ERG: variants seen among roughly 807,000 people sequenced by gnomAD.
ERG encodes the protein ETS transcription factor ERG, also known as transcriptional regulator ERG.
ERG carries 9 observed loss-of-function variants against 55.3 expected under a neutral mutation model. The observed-to-expected ratio is 0.16, with a 90% CI of 0.10 to 0.28. The LOEUF is 0.28. Among genes scored for constraint, ERG ranks in the 10% least tolerant of loss-of-function variants. The probability of loss-of-function intolerance (pLI) is 1.00; values close to 1 mark genes in which losing one functional copy is unlikely to be tolerated. For synonymous variants in ERG, 223 were observed against 237.3 expected (o/e 0.94, Z 0.55); for missense variants, 434 against 631.6 (o/e 0.69, Z 3.35).
intron 1 of ERG, among the ~76,000 whole-genome samples, chr21:38,448,733 G>C (rs564682583): frequency 6.6e-6 from 1 of 152,290 alleles, no homozygotes; most frequent in East Asian, 1.9e-4. Flanking sequence ...CACTTGACTT[G>C]GCTGTTGGCA....
At chr21:38,537,101 T>A (rs1022499473) in intron 2 of ERG, among the ~76,000 whole-genome samples, 2 of 152,168 alleles carry the variant, frequency 1.3e-5, no homozygotes, top group South Asian at 2.1e-4. Context: ...GGTATACATA[T>A]GCAAAAGAAA....
At chr21:38,397,548 A>T (rs1988283068) in intron 6 of ERG, among the ~76,000 whole-genome samples, 1 of 138,996 alleles carries the variant, frequency 7.2e-6, no homozygotes, top group African/African-American at 2.6e-5. Context: ...TGGTGAGCCG[A>T]GATTGCACCA....
chr21:38,421,195 C>G (rs893231485), intron 3 of ERG, among the ~76,000 whole-genome samples: 1 of 152,190 alleles, frequency 6.6e-6, no homozygotes, highest in Non-Finnish European at 1.5e-5. Flanking sequence ...CATTCAGGTG[C>G]ATTGTCAAGA....
chr21:38,615,256 C>T (rs1460550487), intron 1 of ERG, among the ~76,000 whole-genome samples: 1 of 152,164 alleles, frequency 6.6e-6, no homozygotes, highest in African/African-American at 2.4e-5. Flanking sequence ...AAACTCACTG[C>T]TGCCTCACCA....
At chr21:38,436,145 C>T (rs549949997) in intron 2 of ERG, among the ~76,000 whole-genome samples, 10 of 149,322 alleles carry the variant, frequency 6.7e-5, no homozygotes, top group East Asian at 4.0e-4. Flanking sequence ...CCTCAGCCTC[C>T]GGGATTATAG....
At chr21:38,528,301 C>A (rs1381961193) in intron 2 of ERG, among the ~76,000 whole-genome samples, 2 of 152,256 alleles carry the variant, frequency 1.3e-5, no homozygotes, top group East Asian at 3.9e-4. Context: ...ATTAGCCAGG[C>A]ATGGTGGTGG....
chr21:38,429,478 TACATGTATGC>T lies in ERG; in HGVS notation c.237-5927_237-5918del, dbSNP rs562390196. 1.7e-3 allele frequency among the ~76,000 whole-genome samples: 227 copies of T among 132,294 alleles called. 94 individuals carry two copies. The highest frequency in any genetic ancestry group is 0.013 in the Admixed American group (155 of 12,280). 86.8% of individuals were successfully genotyped at this position (132,294 alleles called of 152,430 possible). A position where few individuals can be genotyped will look rare whatever the true frequency, so the allele number is the denominator to read the frequency against. ...ATGTACATATACACATATGTGTATATACATGTATGCACATGTACATATATACATATGTGTA... is the reference window on the plus strand; with the variant it reads ...ATGTACATATACACATATGTGTATATACATGTACATATATACATATGTGTA... On this transcript the variant is annotated intron_variant, in intron 2 of 9. Transcript: ENST00000288319.
chr21:38,585,454 C>A (rs778399228), upstream of ERG, among the ~76,000 whole-genome samples: 57 of 145,416 alleles, frequency 3.9e-4, no homozygotes, highest in Non-Finnish European at 6.7e-4. Context: ...CACTAACTAG[C>A]TAAAAAGATA....
At chr21:38,457,505 G>T (rs1479142026) in intron 1 of ERG, among the ~76,000 whole-genome samples, 1 of 151,892 alleles carries the variant, frequency 6.6e-6, no homozygotes, top group Admixed American at 6.6e-5. Context: ...AACCATCAAG[G>T]CCTGCCCAAC....
intron 1 of ERG, among the ~76,000 whole-genome samples, chr21:38,623,321 CCA>C (rs5843921): frequency 0.023 from 3,377 of 148,216 alleles, 37 homozygotes; most frequent in East Asian, 0.053. Context: ...CACATACGCA[CCA>C]CACACACACA....
chr21:38,563,128 G>C (rs2059902803), intron 2 of ERG, among the ~76,000 whole-genome samples: 1 of 152,164 alleles, frequency 6.6e-6, no homozygotes, highest in Non-Finnish European at 1.5e-5. Flanking sequence ...AGGTCGGGAG[G>C]GATGAACAGA....
chr21:38,399,653 C>T (rs771839888), intron 6 of ERG, among the ~76,000 whole-genome samples: 1 of 152,190 alleles, frequency 6.6e-6, no homozygotes, highest in African/African-American at 2.4e-5. Context: ...GCTCATTATT[C>T]GTCTGGCAAA....
At chr21:38,661,388 G>A (rs946796298) in intron 1 of ERG, among the ~76,000 whole-genome samples, 3 of 152,214 alleles carry the variant, frequency 2.0e-5, no homozygotes, top group African/African-American at 7.2e-5. Flanking sequence ...CGCGCAGAGC[G>A]TCCGGAGGGA....
intron 3 of ERG, among the ~76,000 whole-genome samples, chr21:38,420,730 T>A (rs1215160927): frequency 6.6e-6 from 1 of 152,222 alleles, no homozygotes; most frequent in Non-Finnish European, 1.5e-5. Context: ...AAAGGATATT[T>A]ATGACATCAA....
chr21:38,547,343 A>G (rs946208733), intron 2 of ERG, among the ~76,000 whole-genome samples: 1 of 152,240 alleles, frequency 6.6e-6, no homozygotes, highest in Non-Finnish European at 1.5e-5. Context: ...GTTGCTCAAC[A>G]AGATCTGCAT....
At chr21:38,477,014 T>TTC (rs1369237745) in intron 1 of ERG, among the ~76,000 whole-genome samples, 1 of 131,296 alleles carries the variant, frequency 7.6e-6, no homozygotes, top group Non-Finnish European at 1.6e-5. Context: ...TTCCTTTTTT[T>TTC]TTTTTTTTTT....
chr21:38,571,048 A>G (rs904929415), intron 2 of ERG, among the ~76,000 whole-genome samples: 3 of 152,226 alleles, frequency 2.0e-5, no homozygotes, highest in African/African-American at 7.2e-5. Flanking sequence ...AGAATTAATG[A>G]CAAAAATATT....
intron 6 of ERG, among the ~76,000 whole-genome samples, chr21:38,399,721 A>T (rs1459855856): frequency 6.6e-6 from 1 of 152,176 alleles, no homozygotes; most frequent in Non-Finnish European, 1.5e-5. Context: ...TATGCCTTTC[A>T]TGGGGGATTG....
chr21:38,544,006 C>T (rs1285287909), intron 2 of ERG, among the ~76,000 whole-genome samples: 1 of 152,158 alleles, frequency 6.6e-6, no homozygotes, highest in Non-Finnish European at 1.5e-5. Context: ...TCCGAAAGTG[C>T]TGGGACTACA....
Sources: allele counts gnomAD v4.1 joint callset (sites outside exome capture counted in the v4.1 genomes callset), GRCh38; gene constraint gnomAD v4.1.1; transcripts MANE v1.5; gene names NCBI Gene and HGNC (gene_info 2026-07-23, HGNC 2026-07-21).